The following EDEM3 variants were observed in gnomAD, a reference collection of about 807,000 sequenced individuals.
EDEM3 encodes the protein ER degradation enhancing alpha-mannosidase like protein 3.
A neutral mutation model predicts 110.2 loss-of-function variants in EDEM3; 60 were observed. The ratio of observed to expected loss-of-function variants is 0.54; its 90% CI spans 0.44 to 0.67. The LOEUF (loss-of-function observed/expected upper bound fraction) is 0.67. Ranked by LOEUF, EDEM3 falls within the 30% of genes least tolerant of loss-of-function variation. The pLI, the probability that EDEM3 is intolerant of heterozygous loss-of-function variation, is 0.00. For synonymous variants in EDEM3, 352 were observed against 382.9 expected (o/e 0.92, Z 0.94); for missense variants, 996 against 1,121.0 (o/e 0.89, Z 1.59).
chr1:184,729,555 A>C (rs1049673860), intron 6 of EDEM3, among the ~76,000 whole-genome samples: 1 of 152,314 alleles, frequency 6.6e-6, no homozygotes, highest in Admixed American at 6.5e-5. Flanking sequence ...CAACTCTTAC[A>C]ATACCATTTC....
chr1:184,750,920 T>C (rs1325378515), intron 1 of EDEM3, among the ~76,000 whole-genome samples: 1 of 152,168 alleles, frequency 6.6e-6, no homozygotes, highest in Non-Finnish European at 1.5e-5. Context: ...ATACTGCAAT[T>C]GTCATTTTTA....
At chr1:184,748,489 G>A (rs1045187030) in intron 2 of EDEM3, among the ~76,000 whole-genome samples, 3 of 151,288 alleles carry the variant, frequency 2.0e-5, no homozygotes, top group Non-Finnish European at 4.4e-5. Flanking sequence ...AAAACATTAA[G>A]GGAATGACTG....
intron 19 of EDEM3, among the ~76,000 whole-genome samples, chr1:184,694,881 A>G (rs538831092): frequency 3.3e-5 from 5 of 152,234 alleles, no homozygotes; most frequent in South Asian, 2.1e-4. Context: ...TAAACAGCAT[A>G]TATCATTGCT....
intron 6 of EDEM3, among the ~76,000 whole-genome samples, chr1:184,728,180 G>A (rs55896922): frequency 6.6e-6 from 1 of 152,000 alleles, no homozygotes; most frequent in Non-Finnish European, 1.5e-5. Flanking sequence ...AATCCAGACA[G>A]AGCAAATAAG....
intron 1 of EDEM3, among the ~76,000 whole-genome samples, chr1:184,751,973 G>C (rs1412606023): frequency 6.6e-6 from 1 of 152,004 alleles, no homozygotes; most frequent in South Asian, 2.1e-4. Flanking sequence ...GGCTGGTCTC[G>C]AACTCCCGAC....
rs146164251 is a variant in EDEM3, at chr1:184,699,388, A to T, written c.2389+3423T>A. The stretch of plus-strand genomic sequence containing the variant: ...AGGAAAAGGGCCATGGGAGAGGAAA[A>T]GGGATTGATAGGGAACTTCCAGAAA... On this transcript the variant is annotated intron_variant, in intron 19 of 19. Transcript: ENST00000318130. 2.8e-3 allele frequency among the ~76,000 whole-genome samples: 433 copies of T among 151,988 alleles called. 4 individuals carry two copies. The East Asian group carries it at 0.036, about 13-fold the overall frequency.
At chr1:184,725,002 G>A (rs971670092) in intron 7 of EDEM3, among the ~76,000 whole-genome samples, 1 of 152,144 alleles carries the variant, frequency 6.6e-6, no homozygotes, top group African/African-American at 2.4e-5. Flanking sequence ...TAGCACCAAA[G>A]TAGGCACAGA....
intron 17 of EDEM3, 25 bp downstream of exon 17, chr1:184,708,128 A>G (rs767442180): frequency 1.3e-6 from 2 of 1,556,766 alleles, no homozygotes; most frequent in African/African-American, 1.4e-5. Flanking sequence ...TTCAGTTTCA[A>G]CAACTATATT....
chr1:184,752,526 A>C (rs1387773694), intron 1 of EDEM3, among the ~76,000 whole-genome samples: 2 of 152,354 alleles, frequency 1.3e-5, no homozygotes, highest in Non-Finnish European at 2.9e-5. Flanking sequence ...AAATAATTGT[A>C]ATTTCACTTT....
chr1:184,723,860 T>G lies in EDEM3; in HGVS notation c.748-4A>C. ...CAAGAGCTTTTCTGGCATATTCCTG[T>G]AATTTAAAAAAAAAAAAAAAAAAAA... On this transcript the variant is annotated splice_polypyrimidine_tract_variant and splice_region_variant and intron_variant, in intron 7 of 19. Transcript: ENST00000318130. 7.3e-7 allele frequency: 1 copy of G among 1,369,888 alleles called. No individual in the cohort carries two copies. The highest frequency in any genetic ancestry group is 9.4e-7 in the Non-Finnish European group (1 of 1,065,808). 84.9% of individuals were successfully genotyped at this position (1,369,888 alleles called of 1,614,324 possible).
At chr1:184,726,727 A>C (rs1284841195) in intron 6 of EDEM3, among the ~76,000 whole-genome samples, 1 of 152,218 alleles carries the variant, frequency 6.6e-6, no homozygotes, top group Non-Finnish European at 1.5e-5. Flanking sequence ...TGTTCTCTGG[A>C]CAGTTTGAAC....
intron 2 of EDEM3, among the ~76,000 whole-genome samples, chr1:184,748,898 T>C (rs887073056): frequency 6.6e-6 from 1 of 152,232 alleles, no homozygotes; most frequent in East Asian, 1.9e-4. Flanking sequence ...GGGATAAGTT[T>C]CAGGATAATA....
At chr1:184,711,390 A>C (rs896356809) in intron 15 of EDEM3, among the ~76,000 whole-genome samples, 1 of 152,194 alleles carries the variant, frequency 6.6e-6, no homozygotes, top group Non-Finnish European at 1.5e-5. Flanking sequence ...GTGAGCTATC[A>C]TGCCTGGCCA....
At position 184,754,656 on chromosome 1, in the gene EDEM3, G is replaced by C. The variant is rs748039032; in HGVS notation, c.-10C>G. 4 of 1,545,214 alleles carry C rather than the reference G, an allele frequency of 2.6e-6. No individual in the cohort carries two copies. The African/African-American group carries it at 4.1e-5, about 16-fold the overall frequency. ...CGCCGGCTTCGCTCATGGCCCCGCG[G>C]TTCCGCGCACGCGCAGCTGCTACGC... On this transcript the variant is annotated 5_prime_UTR_variant, in exon 1 of 20. Coordinates refer to ENST00000318130, the MANE Select transcript of EDEM3 (RefSeq NM_025191.4).
intron 1 of EDEM3, 37 bp downstream of exon 1, chr1:184,754,452 C>T: frequency 1.2e-6 from 2 of 1,612,166 alleles, no homozygotes; most frequent in South Asian, 2.2e-5. Context: ...TTGTCAGCCT[C>T]ACCGAGAAAC....
intron 17 of EDEM3, 118 bp from the exon 18 acceptor site, chr1:184,706,926 G>A (rs562015747): frequency 1.7e-5 from 17 of 1,028,058 alleles, no homozygotes; most frequent in Admixed American, 5.5e-5. Context: ...TAATGATAAC[G>A]TATCTAACAT....
At chr1:184,743,599 CT>C (rs1169238712) in intron 2 of EDEM3, among the ~76,000 whole-genome samples, 1 of 152,124 alleles carries the variant, frequency 6.6e-6, no homozygotes, top group Non-Finnish European at 1.5e-5. Context: ...GCATCAAAAA[CT>C]GACTCTTTGC....
At position 184,693,107 on chromosome 1, in the gene EDEM3, A is replaced by T. The variant is rs1371980930; in HGVS notation, c.*956T>A. 6.4e-6 allele frequency: 1 copy of T among 155,060 alleles called. No individual in the cohort carries two copies. Among genetic ancestry groups the T allele is most frequent in the African/African-American group, 2.4e-5 (1 of 41,522 alleles). 9.6% of individuals were successfully genotyped at this position (155,060 alleles called of 1,614,324 possible). ...AATGTATATAGCTGTTGGCGATACG[A>T]GCCTTGTGGCTCAAATTGCATACCA... On this transcript the variant is annotated 3_prime_UTR_variant, in exon 20 of 20. Transcript: ENST00000318130.
chr1:184,702,295 CTT>C (rs1439602869), intron 19 of EDEM3, among the ~76,000 whole-genome samples: 1 of 152,178 alleles, frequency 6.6e-6, no homozygotes, highest in Non-Finnish European at 1.5e-5. Flanking sequence ...ATTTGTAACT[CTT>C]ATATCCATGT....
Sources: allele counts gnomAD v4.1 joint callset (sites outside exome capture counted in the v4.1 genomes callset), GRCh38; gene constraint gnomAD v4.1.1; transcripts MANE v1.5; gene names NCBI Gene and HGNC (gene_info 2026-07-23, HGNC 2026-07-21).